Variants in CSMD1 observed in about 807,000 individuals in gnomAD.
The protein encoded by CSMD1 is CUB and sushi domain-containing protein 1.
In CSMD1, 213 loss-of-function variants were observed where a neutral mutation model predicts 417.5. The observed-to-expected ratio is 0.51, with a 90% CI of 0.46 to 0.57. The LOEUF (loss-of-function observed/expected upper bound fraction) is 0.57. Among genes scored for constraint, CSMD1 ranks in the 20% least tolerant of loss-of-function variants. The pLI, the probability that CSMD1 is intolerant of heterozygous loss-of-function variation, is 0.00. For synonymous variants in CSMD1, 2,862 were observed against 1,736.8 expected (o/e 1.65, Z -16.11); for missense variants, 6,923 against 4,529.7 (o/e 1.53, Z -15.17).
chr8:3,744,751 T>C (rs184454633), intron 6 of CSMD1, among the ~76,000 whole-genome samples: 1 of 152,346 alleles, frequency 6.6e-6, no homozygotes, highest in African/African-American at 2.4e-5. Flanking sequence ...ATTAGGGTAA[T>C]GTAGGTACTC....
intron 2 of CSMD1, among the ~76,000 whole-genome samples, chr8:4,573,074 G>A (rs932222426): frequency 6.6e-6 from 1 of 152,238 alleles, no homozygotes; most frequent in South Asian, 2.1e-4. Flanking sequence ...CGCTCCTTTA[G>A]CTCAGAGGAG....
chr8:3,870,672 A>AT (rs1805420685), intron 5 of CSMD1, among the ~76,000 whole-genome samples: 2 of 152,242 alleles, frequency 1.3e-5, no homozygotes, highest in South Asian at 4.1e-4. Flanking sequence ...TTACCTGAAT[A>AT]TTAGAGGGAT....
At chr8:4,406,842 A>G (rs933006236) in intron 3 of CSMD1, among the ~76,000 whole-genome samples, 1 of 152,230 alleles carries the variant, frequency 6.6e-6, no homozygotes, top group African/African-American at 2.4e-5. Context: ...CAGCAAAACT[A>G]TTAAAATGTC....
At chr8:4,064,957 A>C (rs1367016856) in intron 3 of CSMD1, among the ~76,000 whole-genome samples, 11 of 152,156 alleles carry the variant, frequency 7.2e-5, no homozygotes, top group Non-Finnish European at 1.6e-4. Context: ...CTCTAGATTT[A>C]ACGCTGTGCA....
intron 3 of CSMD1, among the ~76,000 whole-genome samples, chr8:4,301,845 T>G (rs1247646655): frequency 6.6e-6 from 1 of 151,450 alleles, no homozygotes; most frequent in African/African-American, 2.4e-5. Flanking sequence ...GCATCGGTGA[T>G]TTCACCATTC....
At chr8:3,383,999 A>C (rs142240242) in intron 18 of CSMD1, among the ~76,000 whole-genome samples, 246 of 152,252 alleles carry the variant, frequency 1.6e-3, no homozygotes, top group African/African-American at 5.8e-3. Context: ...AATTTCATTT[A>C]TTTACATAAC....
In CSMD1 at chr8:3,441,027, A is replaced by G. The variant is rs115239251; in HGVS notation, c.1561+27685T>C. Among the ~76,000 whole-genome samples, 915 of 152,326 alleles carry G rather than the reference A, an allele frequency of 6.0e-3. 12 individuals carry two copies. Among genetic ancestry groups the G allele is most frequent in the African/African-American group, 0.02 (838 of 41,566 alleles). ...CATCCTGGATTATGTTGGTGTCCCC[A>G]CATCCAAAATACGAATGCCTTTGTA... On this transcript the variant is annotated intron_variant, in intron 12 of 69. Coordinates refer to ENST00000635120, the MANE Select transcript of CSMD1 (RefSeq NM_033225.6).
chr8:4,361,404 A>G (rs1046254372), intron 3 of CSMD1, among the ~76,000 whole-genome samples: 1 of 152,164 alleles, frequency 6.6e-6, no homozygotes, highest in African/African-American at 2.4e-5. Flanking sequence ...ACTGTGTCTC[A>G]GGCACTGCTT....
intron 3 of CSMD1, among the ~76,000 whole-genome samples, chr8:4,149,307 A>C (rs375439781): frequency 1.3e-5 from 2 of 152,206 alleles, no homozygotes; most frequent in Admixed American, 1.3e-4. Flanking sequence ...AAGCTTTCAC[A>C]TATTCACTGA....
intron 1 of CSMD1, among the ~76,000 whole-genome samples, chr8:4,912,135 A>AAAAAAAAAAAAAAAAAAAAAAAG (rs765904838): frequency 2.8e-4 from 32 of 115,616 alleles, no homozygotes; most frequent in Admixed American, 3.7e-4. Flanking sequence ...AAAAAAAAAA[A>AAAAAAAAAAAAAAAAAAAAAAAG]AAAAAAGAAA....
intron 2 of CSMD1, among the ~76,000 whole-genome samples, chr8:4,575,152 T>C (rs976030810): frequency 6.6e-6 from 1 of 152,232 alleles, no homozygotes; most frequent in African/African-American, 2.4e-5. Context: ...TTGCAGTCTC[T>C]ATAGCACTGT....
intron 5 of CSMD1, among the ~76,000 whole-genome samples, chr8:3,940,586 A>G (rs1315996330): frequency 6.6e-6 from 1 of 151,468 alleles, no homozygotes; most frequent in Non-Finnish European, 1.5e-5. Flanking sequence ...TTCAAGAACA[A>G]CAACAAAAAA....
intron 1 of CSMD1, among the ~76,000 whole-genome samples, chr8:4,769,700 T>G (rs765150228): frequency 1.3e-5 from 2 of 152,154 alleles, no homozygotes; most frequent in Admixed American, 6.6e-5. Flanking sequence ...GTCAGTTGCA[T>G]AGGAGGTGGG....
intron 6 of CSMD1, among the ~76,000 whole-genome samples, chr8:3,741,165 G>C (rs889601349): frequency 7.3e-6 from 1 of 137,452 alleles, no homozygotes; most frequent in African/African-American, 2.7e-5. Context: ...AGTGAGCTGA[G>C]ATCGTGCTAT....
chr8:4,562,952 G>C (rs1443445873), intron 2 of CSMD1, among the ~76,000 whole-genome samples: 1 of 152,130 alleles, frequency 6.6e-6, no homozygotes, highest in Non-Finnish European at 1.5e-5. Context: ...TTAAACAGAA[G>C]TTGTCACAGG....
At position 3,205,599 on chromosome 8, in the gene CSMD1, G is replaced by A. The variant is rs535734466; in HGVS notation, c.4889C>T (p.Thr1630Met). 2.2e-5 allele frequency: 34 copies of A among 1,575,900 alleles called. No homozygotes were observed. The highest frequency in any genetic ancestry group is 9.0e-5 in the East Asian group (4 of 44,288). Residue 1630 changes from threonine to methionine, a missense_variant, in exon 31 of 70, where the codon ACG becomes ATG. Coordinates refer to ENST00000635120, the MANE Select transcript of CSMD1 (RefSeq NM_033225.6). The part of the protein sequence containing the change: ...SCNAPCGGQY[T>M]GSEGVVLSPN... ...TGATAAAACTACCCCTTCTGATCCC[G>A]TGTACTGGCCTCCACAGGGAGCTGA...
At chr8:4,339,561 A>G (rs1800360035) in intron 3 of CSMD1, among the ~76,000 whole-genome samples, 1 of 152,146 alleles carries the variant, frequency 6.6e-6, no homozygotes, top group Non-Finnish European at 1.5e-5. Context: ...TCTTTCATAA[A>G]TAACTTTCGG....
chr8:4,775,072 A>G (rs992557460), intron 1 of CSMD1, among the ~76,000 whole-genome samples: 13 of 152,232 alleles, frequency 8.5e-5, no homozygotes, highest in African/African-American at 3.1e-4. Context: ...CAACAGAAGG[A>G]AAAATTTAAA....
chr8:4,917,159 G>C (rs1231854486), intron 1 of CSMD1, among the ~76,000 whole-genome samples: 1 of 152,178 alleles, frequency 6.6e-6, no homozygotes, highest in Non-Finnish European at 1.5e-5. Flanking sequence ...GTCCTACTTG[G>C]CTGGAGCAGG....
Sources: allele counts gnomAD v4.1 joint callset (sites outside exome capture counted in the v4.1 genomes callset), GRCh38; gene constraint gnomAD v4.1.1; transcripts MANE v1.5; gene names NCBI Gene and HGNC (gene_info 2026-07-23, HGNC 2026-07-21).